The following OR9Q1 variants were observed in gnomAD, a reference collection of about 807,000 sequenced individuals.
OR9Q1 encodes the protein olfactory receptor family 9 subfamily Q member 1.
For missense variants in OR9Q1, 374 were observed against 378.8 expected, an observed-to-expected ratio of 0.99 and a Z score of 0.11; for synonymous variants, 153 against 148.6, an observed-to-expected ratio of 1.03 and a Z score of -0.22.
chr11:58,065,012 G>A lies in OR9Q1; in HGVS notation c.-15+9065G>A, dbSNP rs992375416. Among the ~76,000 whole-genome samples, 13 of 152,024 alleles carry A rather than the reference G, an allele frequency of 8.6e-5. No homozygotes were observed. The South Asian group carries it at 1.7e-3, about 19-fold the overall frequency. On this transcript the variant is annotated intron_variant, in intron 2 of 2. Coordinates refer to ENST00000335397, the MANE Select transcript of OR9Q1 (RefSeq NM_001005212.4). Reference sequence around the variant, plus strand: ...AGGAGACACACAGAGTGACAGGTGGGCAGATAGACACACACAGACTCATTG... The same window carrying A: ...AGGAGACACACAGAGTGACAGGTGGACAGATAGACACACACAGACTCATTG...
chr11:58,106,380 T>A (rs1853840571), intron 2 of OR9Q1, among the ~76,000 whole-genome samples: 1 of 152,148 alleles, frequency 6.6e-6, no homozygotes. Context: ...GAGTTCGATA[T>A]ATATTTTAGC....
chr11:58,035,945 G>GTTTTT (rs386373862), intron 1 of OR9Q1, among the ~76,000 whole-genome samples: 3 of 141,484 alleles, frequency 2.1e-5, no homozygotes, highest in African/African-American at 7.8e-5. Flanking sequence ...ACTGGTACTG[G>GTTTTT]TTTTTTTTTT....
intron 2 of OR9Q1, chr11:58,075,317 C>T (rs1853529094): frequency 6.6e-6 from 1 of 152,110 alleles, no homozygotes; most frequent in African/African-American, 2.4e-5. Flanking sequence ...TGAAGAGGTC[C>T]TTCATGTCCC....
intron 2 of OR9Q1, among the ~76,000 whole-genome samples, chr11:58,069,482 G>A (rs1025077121): frequency 6.6e-6 from 1 of 152,070 alleles, no homozygotes; most frequent in Non-Finnish European, 1.5e-5. Flanking sequence ...TGAGTACAAG[G>A]CTACCTAAAT....
intron 1 of OR9Q1, chr11:58,040,842 G>T (rs1490443911): frequency 6.6e-6 from 1 of 152,218 alleles, no homozygotes; most frequent in African/African-American, 2.4e-5. Flanking sequence ...GGATGGAGAA[G>T]GATGATGTAG....
At chr11:58,052,964 G>C (rs1853281245) in intron 1 of OR9Q1, among the ~76,000 whole-genome samples, 1 of 151,510 alleles carries the variant, frequency 6.6e-6, no homozygotes, top group South Asian at 2.1e-4. Flanking sequence ...TGCTGGAGAG[G>C]ATGTGGAGAA....
At chr11:58,125,507 A>G (rs1854082560) in intron 2 of OR9Q1, 1 of 152,170 alleles carries the variant, frequency 6.6e-6, no homozygotes, top group Admixed American at 6.6e-5. Flanking sequence ...ATTTTGTAGA[A>G]AGCAGCTAAG....
Position 58,180,244 on chromosome 11 carries a change from C to G in OR9Q1, c.800C>G (p.Ser267Trp). Residue 267 changes from serine to tryptophan, a missense_variant, in exon 3 of 3, where the codon TCG (serine) becomes TGG (tryptophan). By Grantham distance (177) the Ser-to-Trp change is radical. Transcript: ENST00000335397. ...TTGAGAGGTAACTCAGATCAGTCTTCGGAGAAGAATCGGGTAGTGTCTGTG... is the reference window on the plus strand; with the variant it reads ...TTGAGAGGTAACTCAGATCAGTCTTGGGAGAAGAATCGGGTAGTGTCTGTG... The part of the protein sequence containing the change: ...MYLRGNSDQS[S>W]EKNRVVSVLY... 6.2e-7 allele frequency: 1 copy of G among 1,614,104 alleles called. No individual in the cohort carries two copies. Among genetic ancestry groups the G allele is most frequent in the East Asian group, 2.2e-5 (1 of 44,876 alleles).
chr11:58,118,328 G>C (rs1238367544), intron 2 of OR9Q1: 1 of 560,936 alleles, frequency 1.8e-6, no homozygotes, highest in East Asian at 2.8e-5. Flanking sequence ...AAAGAACATG[G>C]AATTGCTGGA....
At chr11:58,074,965 A>G (rs1590573677) in intron 2 of OR9Q1, among the ~76,000 whole-genome samples, 1 of 152,150 alleles carries the variant, frequency 6.6e-6, no homozygotes, top group East Asian at 1.9e-4. Context: ...TTTGGTCTGT[A>G]TATCTGTTTT....
At chr11:58,133,193 C>A (rs1295289359) in intron 2 of OR9Q1, among the ~76,000 whole-genome samples, 3 of 152,192 alleles carry the variant, frequency 2.0e-5, no homozygotes, top group Admixed American at 2.0e-4. Flanking sequence ...TCAGTTTCCT[C>A]TAACATAAAA....
At chr11:58,030,869 TACA>T in intron 1 of OR9Q1, 5 of 821,536 alleles carry the variant, frequency 6.1e-6, no homozygotes, top group Non-Finnish European at 8.1e-6. Flanking sequence ...GGCATTTTAG[TACA>T]ACATCCTCCA....
chr11:58,064,124 A>G (rs1434166604), intron 2 of OR9Q1, among the ~76,000 whole-genome samples: 2 of 152,126 alleles, frequency 1.3e-5, no homozygotes, highest in Non-Finnish European at 2.9e-5. Context: ...CCAAATTTTT[A>G]TTTTGCCACA....
chr11:58,072,569 T>G (rs968628129), intron 2 of OR9Q1: 1 of 154,338 alleles, frequency 6.5e-6, no homozygotes, highest in African/African-American at 2.4e-5. Flanking sequence ...CTGAAAAGCT[T>G]CTGCTTACAG....
At chr11:58,137,275 G>A (rs1854198055) in intron 2 of OR9Q1, among the ~76,000 whole-genome samples, 1 of 152,196 alleles carries the variant, frequency 6.6e-6, no homozygotes, top group Admixed American at 6.5e-5. Context: ...ACGAGGAGCT[G>A]GAAGCAAGGT....
chr11:58,053,187 T>G (rs1414973349), intron 1 of OR9Q1, among the ~76,000 whole-genome samples: 1 of 151,428 alleles, frequency 6.6e-6, no homozygotes, highest in Non-Finnish European at 1.5e-5. Context: ...AGCAAAGACT[T>G]GGAACCAACC....
At chr11:58,028,335 G>T (rs1157702245) in intron 1 of OR9Q1, among the ~76,000 whole-genome samples, 1 of 152,202 alleles carries the variant, frequency 6.6e-6, no homozygotes, top group African/African-American at 2.4e-5. Flanking sequence ...TAAGGAAAAA[G>T]CCTTCCTAGT....
intron 2 of OR9Q1, among the ~76,000 whole-genome samples, chr11:58,111,676 A>C (rs1853900537): frequency 6.6e-6 from 1 of 152,172 alleles, no homozygotes; most frequent in Non-Finnish European, 1.5e-5. Context: ...ATGACACAAA[A>C]CATGGCTCAT....
chr11:58,025,387 A>C lies in OR9Q1; in HGVS notation c.-93+1283A>C, dbSNP rs1590539091. On this transcript the variant is annotated intron_variant, in intron 1 of 2. Coordinates refer to ENST00000335397, the MANE Select transcript of OR9Q1 (RefSeq NM_001005212.4). Reference sequence around the variant, plus strand: ...CAGCTACTTTTTGTATTTTTGGTAGAGACGGGGTTTCACCGTGTTGGCCAG... The same window carrying C: ...CAGCTACTTTTTGTATTTTTGGTAGCGACGGGGTTTCACCGTGTTGGCCAG... 2.0e-5 allele frequency among the ~76,000 whole-genome samples: 3 copies of C among 152,176 alleles called. No homozygotes were observed. The East Asian group carries it at 5.8e-4, about 29-fold the overall frequency.
Sources: gnomAD v4.1 joint callset for allele counts (sites outside exome capture counted in the v4.1 genomes callset) on GRCh38, gnomAD v4.1.1 for gene constraint, MANE v1.5 for transcripts, NCBI Gene and HGNC (gene_info 2026-07-23, HGNC 2026-07-21) for gene names.